The following ESRRA variants were observed in gnomAD, a reference collection of about 807,000 sequenced individuals.
ESRRA encodes the protein estrogen related receptor alpha.
A neutral mutation model predicts 35.6 loss-of-function variants in ESRRA; 7 were observed. That is an observed-to-expected ratio of 0.20 (90% confidence interval 0.11 to 0.37). The LOEUF (loss-of-function observed/expected upper bound fraction) is 0.37. Ranked by LOEUF, ESRRA falls within the 10% of genes least tolerant of loss-of-function variation. ESRRA has a pLI of 1.00. For missense variants in ESRRA, 378 were observed against 561.7 expected (o/e 0.67, Z 3.31); for synonymous variants, 223 against 246.9 (o/e 0.90, Z 0.91).
chr11:64,314,060 CA>C lies in ESRRA; in HGVS notation c.437del (p.Lys146ArgfsTer49). ...FTKCLRVGML[K>X]EGVRLDRVRG... ...CCAAGTGCCTGCGGGTGGGCATGCT[CA>C]AGGAGGGTGAGCGCTGGGCAGGGGC... On this transcript the variant is annotated frameshift_variant, in exon 3 of 7. Coordinates refer to ENST00000000442, the MANE Select transcript of ESRRA (RefSeq NM_004451.5). LOFTEE classifies it high-confidence loss of function. 6.3e-7 allele frequency: 1 copy of C among 1,589,490 alleles called. No individual in the cohort carries two copies. The highest frequency in any genetic ancestry group is 1.8e-5 in the Admixed American group (1 of 56,248).
Position 64,313,960 on chromosome 11 carries a change from A to C in ESRRA, c.335A>C (p.Glu112Ala), listed in dbSNP as rs1350256223. 6.3e-7 allele frequency: 1 copy of C among 1,576,994 alleles called. No homozygotes were observed. Among genetic ancestry groups the C allele is most frequent in the African/African-American group, 1.3e-5 (1 of 74,128 alleles). Reference sequence around the variant, plus strand: ...TGCCTCTTCCTGGCAGGGAGCATCGAGTACAGCTGTCCGGCCTCCAACGAG... The same window carrying C: ...TGCCTCTTCCTGGCAGGGAGCATCGCGTACAGCTGTCCGGCCTCCAACGAG... ...FFKRTIQGSI[E>A]YSCPASNECE... Residue 112 changes from glutamate to alanine, a missense_variant, in exon 3 of 7, where the codon GAG becomes GCG. Transcript: ENST00000000442. This position sits in a 1 kb window ranked among gnomAD's most constrained non-coding sequence, Gnocchi z 4.0.
chr11:64,316,214 A>T lies in ESRRA; in HGVS notation c.*248A>T. ...CTTGCAAGCCATAACGTGCCCCCAGAGTGTAGGGGGCCTTGCGGAAGCCAT... is the reference window on the plus strand; with the variant it reads ...CTTGCAAGCCATAACGTGCCCCCAGTGTGTAGGGGGCCTTGCGGAAGCCAT... On this transcript the variant is annotated 3_prime_UTR_variant, in exon 7 of 7. Transcript: ENST00000000442. The T allele has an allele frequency of 2.2e-6, 1 of 462,106 alleles. No homozygotes were observed. The highest frequency in any genetic ancestry group is 3.5e-5 in the East Asian group (1 of 28,774). 28.6% of individuals were successfully genotyped at this position (462,106 alleles called of 1,614,324 possible).
At position 64,313,169 on chromosome 11, in the gene ESRRA, C is replaced by T. The variant is rs1185567012; in HGVS notation, c.326-782C>T. On this transcript the variant is annotated intron_variant, in intron 2 of 6. Coordinates refer to ENST00000000442, the MANE Select transcript of ESRRA (RefSeq NM_004451.5). The surrounding 1 kb of genome is among the most constrained non-coding windows in gnomAD (Gnocchi z 4.0). ...CAGGGGCAGGAGGCGGATTCTGGACCTTGGAGGAGGTAAAGCCCACCAGAA... is the reference window on the plus strand; with the variant it reads ...CAGGGGCAGGAGGCGGATTCTGGACTTTGGAGGAGGTAAAGCCCACCAGAA... Among the ~76,000 whole-genome samples, 2 of 152,020 alleles carry T rather than the reference C, an allele frequency of 1.3e-5. No individual in the cohort carries two copies. Among genetic ancestry groups the T allele is most frequent in the African/African-American group, 4.8e-5 (2 of 41,390 alleles).
intron 4 of ESRRA, 46 bp downstream of exon 4, chr11:64,314,413 G>C: frequency 6.7e-7 from 1 of 1,494,660 alleles, no homozygotes; most frequent in Non-Finnish European, 9.0e-7. Flanking sequence ...GGAGGCCTAT[G>C]TGTGGCATCA....
intron 2 of ESRRA, among the ~76,000 whole-genome samples, chr11:64,312,937 T>G (rs1253594997): frequency 6.6e-6 from 1 of 152,086 alleles, no homozygotes; most frequent in East Asian, 1.9e-4. Context: ...AGCAGGGGCG[T>G]AGGCCTAGGA....
chr11:64,314,667 CTG>C lies in ESRRA; in HGVS notation c.572-71_572-70del, dbSNP rs566008375. 152 of 1,459,698 alleles carry C rather than the reference CTG, an allele frequency of 1.0e-4. No individual in the cohort carries two copies. In the African/African-American group the frequency reaches 1.9e-3, roughly 18 times the overall value. The allele number at this position is 1,459,698 out of a possible 1,614,324, so 90.4% of individuals were successfully genotyped here. Reference sequence around the variant, plus strand: ...CTGAGGAAGGCCACAGGGGGAGCCACTGTGGGAAGATGCTTGACCCCTGAGGC... The same window carrying C: ...CTGAGGAAGGCCACAGGGGGAGCCACTGGGAAGATGCTTGACCCCTGAGGC... On this transcript the variant is annotated intron_variant, in intron 4 of 6. Transcript: ENST00000000442.
chr11:64,314,422 C>G, intron 4 of ESRRA, 55 bp downstream of exon 4: 1 of 1,479,864 alleles, frequency 6.8e-7, no homozygotes, highest in Non-Finnish European at 9.0e-7. Flanking sequence ...TGTGTGGCAT[C>G]ATAGTTACCT....
intron 2 of ESRRA, among the ~76,000 whole-genome samples, chr11:64,311,006 G>C (rs1306150490): frequency 6.6e-6 from 1 of 152,194 alleles, no homozygotes; most frequent in Admixed American, 6.5e-5. Flanking sequence ...TATTTATTGT[G>C]TGCTGGCTGT....
chr11:64,308,903 T>C (rs1230628973), intron 2 of ESRRA, among the ~76,000 whole-genome samples: 1 of 140,244 alleles, frequency 7.1e-6, no homozygotes, highest in Non-Finnish European at 1.5e-5. Context: ...TCACCTGAGG[T>C]CAGGAGTTTG....
intron 2 of ESRRA, among the ~76,000 whole-genome samples, chr11:64,311,360 C>T (rs532900084): frequency 2.0e-4 from 30 of 151,454 alleles, no homozygotes; most frequent in Non-Finnish European, 2.9e-4. Flanking sequence ...GTCTTATTAC[C>T]GCTGTGGTAT....
Position 64,313,744 on chromosome 11 carries a change from T to A in ESRRA, c.326-207T>A, listed in dbSNP as rs1426274066. 6 of 528,112 alleles carry A rather than the reference T, an allele frequency of 1.1e-5. No individual in the cohort carries two copies. The Admixed American group carries it at 2.0e-4, about 17-fold the overall frequency. 32.7% of individuals were successfully genotyped at this position (528,112 alleles called of 1,614,324 possible). Reference sequence around the variant, plus strand: ...GCTTGGGGCTGAGATGCAGCCCCGCTGCCTGGTCCAGCTCCTCCCTCATCC... The same window carrying A: ...GCTTGGGGCTGAGATGCAGCCCCGCAGCCTGGTCCAGCTCCTCCCTCATCC... On this transcript the variant is annotated intron_variant, in intron 2 of 6. Coordinates refer to ENST00000000442, the MANE Select transcript of ESRRA (RefSeq NM_004451.5). The surrounding 1 kb of genome is among the most constrained non-coding windows in gnomAD (Gnocchi z 4.0).
At chr11:64,307,640 G>A in intron 2 of ESRRA, 136 bp downstream of exon 2, 1 of 610,876 alleles carries the variant, frequency 1.6e-6, no homozygotes, top group South Asian at 3.5e-5. Context: ...ACCTCCCAGA[G>A]ACACTCTTTC....
Position 64,315,260 on chromosome 11 carries a change from T to C in ESRRA, c.1002T>C (p.Leu334=), listed in dbSNP as rs2035223711. The C allele has an allele frequency of 1.3e-6, 2 of 1,560,906 alleles. No individual in the cohort carries two copies. The highest frequency in any genetic ancestry group is 2.7e-5 in the African/African-American group (2 of 73,748). Residue 334 remains leucine (L), a synonymous_variant, in exon 6 of 7, where the codon CTT becomes CTC. Transcript: ENST00000000442. ...EEYVLLKALA[L]ANSDSVHIED... ...ATGTTCTACTAAAGGCCTTGGCCCT[T>C]GCCAATTCAGGTGAGTCTGGGGCAG...
rs774602663 is a variant in ESRRA at position 64,314,992 on chromosome 11, G to GC, written c.743-4dup. On this transcript the variant is annotated splice_polypyrimidine_tract_variant and intron_variant, in intron 5 of 6. Coordinates refer to ENST00000000442, the MANE Select transcript of ESRRA (RefSeq NM_004451.5). ...TGCTCAGCCAGGCCCGCTCCCCGCT[G>GC]CCCCCTAGGCTTCTCATCGCTGTCG... 2.5e-6 allele frequency: 4 copies of GC among 1,586,210 alleles called. No homozygotes were observed. In the African/African-American group the frequency reaches 5.4e-5, roughly 21 times the overall value.
intron 6 of ESRRA, 36 bp downstream of exon 6, chr11:64,315,306 T>C: frequency 6.6e-7 from 1 of 1,518,874 alleles, no homozygotes; most frequent in Non-Finnish European, 8.8e-7. Flanking sequence ...GTGAGGTGTC[T>C]CCGTAAGGTC....
At position 64,314,272 on chromosome 11, in the gene ESRRA, A is replaced by G; in HGVS notation, c.476A>G (p.Gln159Arg). ...VRLDRVRGGR[Q>R]KYKRRPEVDP... Reference sequence around the variant, plus strand: ...CTGGACCGCGTCCGGGGTGGGCGGCAGAAGTACAAGCGGCGGCCGGAGGTG... The same window carrying G: ...CTGGACCGCGTCCGGGGTGGGCGGCGGAAGTACAAGCGGCGGCCGGAGGTG... Residue 159 changes from glutamine (Q) to arginine (R), a missense_variant, in exon 4 of 7, where the codon CAG becomes CGG. Transcript: ENST00000000442. The G allele has an allele frequency of 6.2e-7, 1 of 1,612,450 alleles. No homozygotes were observed. Among genetic ancestry groups the G allele is most frequent in the South Asian group, 1.1e-5 (1 of 90,938 alleles).
Position 64,316,094 on chromosome 11 carries a change from A to T in ESRRA, c.*128A>T. ...CTGGCAGGGCCAGGGCAATGCCATC[A>T]GCCCCTGGGAACAGGCCCCACGCCC... On this transcript the variant is annotated 3_prime_UTR_variant, in exon 7 of 7. Coordinates refer to ENST00000000442, the MANE Select transcript of ESRRA (RefSeq NM_004451.5). The T allele has an allele frequency of 1.7e-6, 2 of 1,164,488 alleles. No individual in the cohort carries two copies. Among genetic ancestry groups the T allele is most frequent in the Non-Finnish European group, 2.4e-6 (2 of 827,054 alleles). 72.1% of individuals were successfully genotyped at this position (1,164,488 alleles called of 1,614,324 possible).
At position 64,307,288 on chromosome 11, in the gene ESRRA, C is replaced by A. The variant is rs1397484580; in HGVS notation, c.109C>A (p.Leu37Met). The A allele has an allele frequency of 1.2e-6, 2 of 1,613,480 alleles. No individual in the cohort carries two copies. ...SETETEPPVALAPGPAPTRCL... is the reference protein window; with the variant it reads ...SETETEPPVAMAPGPAPTRCL... Reference sequence around the variant, plus strand: ...GACAGAGACCGAGCCTCCTGTGGCCCTGGCCCCTGGTCCAGCTCCCACTCG... The same window carrying A: ...GACAGAGACCGAGCCTCCTGTGGCCATGGCCCCTGGTCCAGCTCCCACTCG... Residue 37 changes from leucine to methionine, a missense_variant, in exon 2 of 7, where the codon CTG becomes ATG. Coordinates refer to ENST00000000442, the MANE Select transcript of ESRRA (RefSeq NM_004451.5).
intron 2 of ESRRA, among the ~76,000 whole-genome samples, chr11:64,312,322 T>A (rs1222202229): frequency 1.3e-5 from 2 of 152,082 alleles, no homozygotes; most frequent in South Asian, 4.1e-4. Context: ...GTACTTTTAG[T>A]AGAGACGGGG....
Sources: allele counts gnomAD v4.1 joint callset (sites outside exome capture counted in the v4.1 genomes callset), GRCh38; gene constraint gnomAD v4.1.1; non-coding constraint Gnocchi (gnomAD v3.1); transcripts MANE v1.5; gene names NCBI Gene and HGNC (gene_info 2026-07-23, HGNC 2026-07-21).